The following DSTYK variants were observed in gnomAD, a reference collection of about 807,000 sequenced individuals.
DSTYK encodes the protein dual serine/threonine and tyrosine protein kinase.
A neutral mutation model predicts 98.7 loss-of-function variants in DSTYK; 34 were observed. That is an observed-to-expected ratio of 0.34 (90% CI 0.26 to 0.46). The LOEUF (loss-of-function observed/expected upper bound fraction) is 0.46, where lower values mean the gene tolerates loss of function less well. Ranked by LOEUF, DSTYK falls within the 20% of genes least tolerant of loss-of-function variation. The pLI, the probability that DSTYK is intolerant of heterozygous loss-of-function variation, is 1.00. For synonymous variants in DSTYK, 462 were observed against 457.3 expected, an observed-to-expected ratio of 1.01 and a Z score of -0.13; for missense variants, 962 against 1,181.7, an observed-to-expected ratio of 0.81 and a Z score of 2.73.
intron 2 of DSTYK, among the ~76,000 whole-genome samples, chr1:205,181,657 T>G (rs985404942): frequency 0.029 from 1,681 of 58,506 alleles, 15 homozygotes; most frequent in African/African-American, 0.087. Context: ...TGTTGGGGTT[T>G]GTGTGTGTGT....
chr1:205,148,173 A>G, intron 12 of DSTYK, 32 bp downstream of exon 12: 1 of 1,613,336 alleles, frequency 6.2e-7, no homozygotes, highest in South Asian at 1.1e-5. Context: ...TAGCCAGGGG[A>G]GTTAGGACAA....
At chr1:205,191,648 C>A (rs542515555) in intron 1 of DSTYK, among the ~76,000 whole-genome samples, 1 of 152,018 alleles carries the variant, frequency 6.6e-6, no homozygotes, top group African/African-American at 2.4e-5. Context: ...AATTTAATTA[C>A]GCAAGTGCCC....
At chr1:205,162,246 A>G (rs1200232585) in intron 5 of DSTYK, 34 bp from the exon 6 acceptor site, 1 of 1,607,224 alleles carries the variant, frequency 6.2e-7, no homozygotes, top group African/African-American at 1.3e-5. Flanking sequence ...TCACCAAGGA[A>G]TGAGAGACAA....
At position 205,172,569 on chromosome 1, in the gene DSTYK, C is replaced by A. The variant is rs188878863; in HGVS notation, c.655-2737G>T. On this transcript the variant is annotated intron_variant, in intron 2 of 12. Transcript: ENST00000367162. ...TGAGCTCAAGCGATCTGCGCCTCAG[C>A]CTCCCAAAGTGCTGAGATTACAGGT... Among the ~76,000 whole-genome samples the A allele has an allele frequency of 3.3e-5, 5 of 151,522 alleles. No individual in the cohort carries two copies. The South Asian group carries it at 6.3e-4, about 19-fold the overall frequency.
chr1:205,208,314 A>G (rs536572083), intron 1 of DSTYK, among the ~76,000 whole-genome samples: 25 of 152,350 alleles, frequency 1.6e-4, no homozygotes, highest in African/African-American at 6.0e-4. Context: ...AAGTGAGACA[A>G]TAAAAATTTT....
chr1:205,164,042 G>A, intron 3 of DSTYK, 87 bp from the exon 4 acceptor site: 2 of 1,083,426 alleles, frequency 1.8e-6, no homozygotes, highest in Non-Finnish European at 2.8e-6. Flanking sequence ...TCAGAACCAT[G>A]GAACTACCGT....
chr1:205,163,028 A>G, intron 4 of DSTYK, 22 bp from the exon 5 acceptor site: 1 of 1,591,390 alleles, frequency 6.3e-7, no homozygotes, highest in Non-Finnish European at 8.6e-7. Flanking sequence ...AACGCCAAAG[A>G]AAACATGTCC....
At chr1:205,147,837 G>T in intron 12 of DSTYK, 92 bp from the exon 13 acceptor site, 1 of 1,308,722 alleles carries the variant, frequency 7.6e-7, no homozygotes, top group Non-Finnish European at 1.1e-6. Flanking sequence ...TTCCCAGTGG[G>T]GCTCAGAATA....
Position 205,150,615 on chromosome 1 carries a change from G to A in DSTYK, c.2467+65C>T. 7.7e-7 allele frequency: 1 copy of A among 1,301,098 alleles called. No individual in the cohort carries two copies. Among genetic ancestry groups the A allele is most frequent in the Non-Finnish European group, 1.1e-6 (1 of 910,382 alleles). The allele number at this position is 1,301,098 out of a possible 1,614,324, so 80.6% of individuals were successfully genotyped here. A position where few individuals can be genotyped will look rare whatever the true frequency, so the allele number is the denominator to read the frequency against. ...GTAGTGATTGTGGAAACGAGCTCAA[G>A]GGGTAGCACTCAGGATTAAAGTAGT... On this transcript the variant is annotated intron_variant, in intron 11 of 12. Coordinates refer to ENST00000367162, the MANE Select transcript of DSTYK (RefSeq NM_015375.3). The surrounding 1 kb of genome is among the most constrained non-coding windows in gnomAD (Gnocchi z 4.1).
intron 7 of DSTYK, 66 bp from the exon 8 acceptor site, chr1:205,160,336 T>TTA: frequency 1.4e-6 from 2 of 1,457,398 alleles, no homozygotes; most frequent in Non-Finnish European, 1.9e-6. Flanking sequence ...CTCTGTAAGA[T>TTA]TCTTTTTTTT....
intron 3 of DSTYK, among the ~76,000 whole-genome samples, chr1:205,166,497 T>C (rs1657895764): frequency 6.6e-6 from 1 of 151,110 alleles, no homozygotes; most frequent in Non-Finnish European, 1.5e-5. Flanking sequence ...TCTGGCTCCA[T>C]AGAATATGTG....
rs1344116407 is a variant in DSTYK, at chr1:205,147,714, A to T, written c.2634T>A (p.Asp878Glu). ...CTTCCATCAACTGCCAGCACTCCTC[A>T]TCAAACACAGGAAGACGTTCTGGGC... ...GARPERLPVF[D>E]EECWQLMEAC... The change falls in exon 13 of 13, where the codon GAT becomes GAA. Residue 878 changes from aspartate (D) to glutamate (E), a missense_variant. Around this residue, in one of 4 missense-constraint regions of DSTYK, gnomAD observed 65 missense variants for 63.9 expected, o/e 1.02. Coordinates refer to ENST00000367162, the MANE Select transcript of DSTYK (RefSeq NM_015375.3). 1.2e-6 allele frequency: 2 copies of T among 1,613,900 alleles called. No individual in the cohort carries two copies. Among genetic ancestry groups the T allele is most frequent in the African/African-American group, 1.3e-5 (1 of 74,886 alleles).
At chr1:205,172,912 G>C (rs1380556069) in intron 2 of DSTYK, 2 of 152,092 alleles carry the variant, frequency 1.3e-5, no homozygotes, top group African/African-American at 4.8e-5. Context: ...TGCTCATCTT[G>C]CTATTCAAAA....
chr1:205,150,891 C>A lies in DSTYK; in HGVS notation c.2353-97G>T. 1.1e-6 allele frequency: 1 copy of A among 894,804 alleles called. No individual in the cohort carries two copies. The highest frequency in any genetic ancestry group is 1.4e-5 in the South Asian group (1 of 72,412). The allele number at this position is 894,804 out of a possible 1,614,324, so 55.4% of individuals were successfully genotyped here. A position where few individuals can be genotyped will look rare whatever the true frequency, so the allele number is the denominator to read the frequency against. ...AAAGGTAGGTACCTCAAAGTAGTGT[C>A]ACTGGATAGGATTATGCTCTGAAAA... is the stretch of plus-strand genomic sequence containing the variant. On this transcript the variant is annotated intron_variant, in intron 10 of 12. Transcript: ENST00000367162. This position sits in a 1 kb window ranked among gnomAD's most constrained non-coding sequence, Gnocchi z 4.1.
intron 2 of DSTYK, among the ~76,000 whole-genome samples, chr1:205,174,741 T>TA (rs1455004970): frequency 4.8e-5 from 7 of 144,696 alleles, no homozygotes; most frequent in Admixed American, 2.7e-4. Context: ...TATTTTTAAT[T>TA]TTTTTTTTTT....
chr1:205,199,041 TA>T (rs777784786), intron 1 of DSTYK, among the ~76,000 whole-genome samples: 9 of 152,254 alleles, frequency 5.9e-5, no homozygotes, highest in Middle Eastern at 3.4e-3. Context: ...GGAATTTTTT[TA>T]AAAAATCAAA....
chr1:205,167,910 T>C (rs1036113679), intron 3 of DSTYK, among the ~76,000 whole-genome samples: 1 of 152,174 alleles, frequency 6.6e-6, no homozygotes, highest in African/African-American at 2.4e-5. Flanking sequence ...AAGAACATCC[T>C]GGCCAACATG....
At chr1:205,161,639 G>A (rs1657723885) in intron 6 of DSTYK, among the ~76,000 whole-genome samples, 1 of 152,132 alleles carries the variant, frequency 6.6e-6, no homozygotes, top group African/African-American at 2.4e-5. Flanking sequence ...TGGACAATCA[G>A]ATGTCAAACA....
intron 1 of DSTYK, among the ~76,000 whole-genome samples, chr1:205,193,731 C>A (rs945813434): frequency 6.6e-6 from 1 of 152,084 alleles, no homozygotes; most frequent in South Asian, 2.1e-4. Flanking sequence ...ATTAGCCAGG[C>A]GTGGTAGCAT....
Sources: gnomAD v4.1 joint callset for allele counts (sites outside exome capture counted in the v4.1 genomes callset) on GRCh38, gnomAD v4.1.1 for gene constraint, gnomAD v4.1.1 regional missense constraint, Gnocchi (gnomAD v3.1) non-coding constraint, MANE v1.5 for transcripts, NCBI Gene and HGNC (gene_info 2026-07-23, HGNC 2026-07-21) for gene names.